The following PTPRQ variants were observed in gnomAD, a reference collection of about 807,000 sequenced individuals.
The protein encoded by PTPRQ is phosphatidylinositol phosphatase PTPRQ.
A neutral mutation model predicts 246.0 loss-of-function variants in PTPRQ; 199 were observed. That is an observed-to-expected ratio of 0.81 (90% CI 0.72 to 0.91). The LOEUF (loss-of-function observed/expected upper bound fraction) is 0.91, where lower values mean the gene tolerates loss of function less well. Ranked by LOEUF, PTPRQ falls within the 40% of genes least tolerant of loss-of-function variation. PTPRQ has a pLI of 0.00. For missense variants in PTPRQ, 2,624 were observed against 2,528.4 expected (o/e 1.04, Z -0.81); for synonymous variants, 869 against 853.2 (o/e 1.02, Z -0.32).
chr12:80,606,385 C>G (rs1001958241), intron 27 of PTPRQ, among the ~76,000 whole-genome samples: 1 of 150,884 alleles, frequency 6.6e-6, no homozygotes, highest in African/African-American at 2.4e-5. Flanking sequence ...AAATAAGAGG[C>G]CATTGAAGAG....
chr12:80,571,717 A>G (rs1897151005), intron 25 of PTPRQ, among the ~76,000 whole-genome samples: 1 of 152,066 alleles, frequency 6.6e-6, no homozygotes, highest in African/African-American at 2.4e-5. Context: ...GAAGTGATTC[A>G]AAGTTTTTTT....
At chr12:80,559,857 A>C (rs1184859784) in intron 25 of PTPRQ, among the ~76,000 whole-genome samples, 1 of 152,122 alleles carries the variant, frequency 6.6e-6, no homozygotes, top group Non-Finnish European at 1.5e-5. Flanking sequence ...ATTTTGTAAA[A>C]TCTGGTCCTG....
chr12:80,587,021 T>C (rs1897642938), intron 25 of PTPRQ, among the ~76,000 whole-genome samples: 1 of 152,214 alleles, frequency 6.6e-6, no homozygotes, highest in African/African-American at 2.4e-5. Context: ...ACCCTGTGGA[T>C]ACAAAAGGTG....
In PTPRQ at chr12:80,610,479, A is replaced by G. The variant is rs369843491; in HGVS notation, c.4772A>G (p.Asn1591Ser). ...TTTAATATATCCTTCATCAAGTCAA[A>G]TGAAGAAAATAAAACCATAGAAATT... ...DEFNISFIKS[N>S]EENKTIEIKD... Residue 1591 changes from asparagine to serine, a missense_variant, in exon 28 of 45, where the codon AAT (asparagine) becomes AGT (serine). Coordinates refer to ENST00000644991, the MANE Select transcript of PTPRQ (RefSeq NM_001145026.2). 5.8e-5 allele frequency: 88 copies of G among 1,520,628 alleles called. 1 individual carries two copies. In the South Asian group the frequency reaches 9.1e-4, roughly 16 times the overall value. The allele number at this position is 1,520,628 out of a possible 1,614,324, so 94.2% of individuals were successfully genotyped here.
intron 26 of PTPRQ, among the ~76,000 whole-genome samples, chr12:80,603,008 C>T (rs1291959408): frequency 6.6e-6 from 1 of 151,656 alleles, no homozygotes; most frequent in Non-Finnish European, 1.5e-5. Context: ...CCAAATTTGT[C>T]ATCTCCTACC....
At chr12:80,676,201 C>A (rs1901131506) in intron 43 of PTPRQ, among the ~76,000 whole-genome samples, 1 of 152,168 alleles carries the variant, frequency 6.6e-6, no homozygotes, top group Non-Finnish European at 1.5e-5. Context: ...TCTTCTCCTG[C>A]ACTCCAGAGT....
At chr12:80,540,402 G>A (rs762502652) in intron 20 of PTPRQ, among the ~76,000 whole-genome samples, 6 of 151,990 alleles carry the variant, frequency 3.9e-5, no homozygotes, top group Admixed American at 2.0e-4. Flanking sequence ...GAAGTTTCTC[G>A]TATGCATCTT....
chr12:80,547,844 G>A (rs188570534), intron 24 of PTPRQ, among the ~76,000 whole-genome samples: 102 of 152,232 alleles, frequency 6.7e-4, no homozygotes, highest in African/African-American at 5.8e-4. Flanking sequence ...TGGACACACA[G>A]TAAATGACCC....
intron 26 of PTPRQ, among the ~76,000 whole-genome samples, chr12:80,594,295 G>A (rs1253009313): frequency 6.6e-6 from 1 of 152,054 alleles, no homozygotes; most frequent in Non-Finnish European, 1.5e-5. Flanking sequence ...AGTGATTTTA[G>A]CCATAAGTAA....
intron 33 of PTPRQ, among the ~76,000 whole-genome samples, 187 bp from the exon 34 acceptor site, chr12:80,632,002 CAAG>C (rs1899454959): frequency 6.6e-6 from 1 of 152,042 alleles, no homozygotes; most frequent in Non-Finnish European, 1.5e-5. Context: ...ATAGAAAAAG[CAAG>C]AAGACCCGGG....
intron 39 of PTPRQ, among the ~76,000 whole-genome samples, chr12:80,668,523 C>T (rs1466826503): frequency 6.6e-6 from 1 of 151,812 alleles, no homozygotes; most frequent in Non-Finnish European, 1.5e-5. Context: ...GCAGAAACAT[C>T]ATGGAGTGGG....
At chr12:80,466,511 A>C (rs1316992385) in intron 6 of PTPRQ, among the ~76,000 whole-genome samples, 2 of 152,200 alleles carry the variant, frequency 1.3e-5, no homozygotes, top group African/African-American at 4.8e-5. Context: ...AACTACTTTA[A>C]AGTTCATATG....
intron 3 of PTPRQ, among the ~76,000 whole-genome samples, chr12:80,455,257 G>A (rs995748687): frequency 5.3e-5 from 8 of 152,032 alleles, no homozygotes; most frequent in Non-Finnish European, 1.0e-4. Context: ...ATAGAGTATC[G>A]TTTATACTTT....
intron 17 of PTPRQ, among the ~76,000 whole-genome samples, chr12:80,517,730 A>G (rs1350109585): frequency 6.6e-6 from 1 of 151,890 alleles, no homozygotes; most frequent in African/African-American, 2.4e-5. Context: ...GATATTTAGC[A>G]TCCACAAATA....
At chr12:80,457,524 C>G (rs1187014725) in intron 3 of PTPRQ, 51 bp from the exon 4 acceptor site, 1 of 399,750 alleles carries the variant, frequency 2.5e-6, no homozygotes, top group African/African-American at 2.1e-5. Flanking sequence ...TTTAGATTCT[C>G]TTTTTTCAGG....
At chr12:80,599,700 G>A (rs1465090327) in intron 26 of PTPRQ, among the ~76,000 whole-genome samples, 1 of 151,388 alleles carries the variant, frequency 6.6e-6, no homozygotes, top group African/African-American at 2.4e-5. Flanking sequence ...ATGTATTTAA[G>A]TATATTATAA....
In PTPRQ at chr12:80,459,426, G is replaced by C. The variant is rs1161370394; in HGVS notation, c.603G>C (p.Val201=). The stretch of plus-strand genomic sequence containing the variant: ...AGCATGCCAGAAGTGGGATAGTAGT[G>C]AAAGATGTCTCAATCAGAGTAGAGG... ...SVKHARSGIV[V]KDVSIRVEDI... The change falls in exon 5 of 45, where the codon GTG becomes GTC. Residue 201 remains valine (V), a synonymous_variant. Transcript: ENST00000644991. The C allele has an allele frequency of 2.5e-6, 1 of 398,316 alleles. No individual in the cohort carries two copies. The highest frequency in any genetic ancestry group is 3.6e-5 in the East Asian group (1 of 28,064). 24.7% of individuals were successfully genotyped at this position (398,316 alleles called of 1,614,324 possible). A position where few individuals can be genotyped will look rare whatever the true frequency, so the allele number is the denominator to read the frequency against.
At chr12:80,589,715 T>C (rs547326440) in intron 26 of PTPRQ, among the ~76,000 whole-genome samples, 7 of 152,334 alleles carry the variant, frequency 4.6e-5, no homozygotes, top group East Asian at 3.9e-4. Context: ...TCCTGACAAC[T>C]CAGACTTTGA....
chr12:80,608,698 G>A (rs554307202), intron 27 of PTPRQ, among the ~76,000 whole-genome samples: 2 of 149,764 alleles, frequency 1.3e-5, no homozygotes, highest in East Asian at 3.9e-4. Context: ...CTGCTACTAA[G>A]TAACCCTGAG....
Sources: allele counts gnomAD v4.1 joint callset (sites outside exome capture counted in the v4.1 genomes callset), GRCh38; gene constraint gnomAD v4.1.1; transcripts MANE v1.5; gene names NCBI Gene and HGNC (gene_info 2026-07-23, HGNC 2026-07-21).